The following ITSN1 variants were observed in gnomAD, a reference collection of about 807,000 sequenced individuals.
The protein encoded by ITSN1 is intersectin-1.
A neutral mutation model predicts 239.8 loss-of-function variants in ITSN1; 58 were observed. That is an observed-to-expected ratio of 0.24 (90% CI 0.20 to 0.30). The LOEUF is 0.30. Ranked by LOEUF, ITSN1 falls within the 10% of genes least tolerant of loss-of-function variation. ITSN1 has a pLI of 1.00. For synonymous variants in ITSN1, 780 were observed against 770.8 expected, an observed-to-expected ratio of 1.01 and a Z score of -0.20; for missense variants, 1,558 against 2,103.3, an observed-to-expected ratio of 0.74 and a Z score of 5.07.
At chr21:33,782,221 GA>G in intron 16 of ITSN1, 88 bp downstream of exon 16, 2 of 1,273,768 alleles carry the variant, frequency 1.6e-6, no homozygotes, top group Non-Finnish European at 2.2e-6. Context: ...ATCACAGGCA[GA>G]AAAATTTATT....
chr21:33,871,697 C>T (rs8129777), intron 33 of ITSN1, among the ~76,000 whole-genome samples: 56,347 of 149,972 alleles, frequency 0.38, 11,117 homozygotes, highest in East Asian at 0.51. Flanking sequence ...GCCGAGATCG[C>T]GCCACTGCAC....
chr21:33,800,958 C>T (rs112684606), intron 19 of ITSN1, among the ~76,000 whole-genome samples: 3 of 151,750 alleles, frequency 2.0e-5, no homozygotes, highest in African/African-American at 4.8e-5. Context: ...CTCTGCCTCC[C>T]GGGCTCAAGC....
chr21:33,755,427 G>A, intron 8 of ITSN1, 30 bp downstream of exon 8: 1 of 1,234,538 alleles, frequency 8.1e-7, no homozygotes, highest in Non-Finnish European at 1.2e-6. Flanking sequence ...AGTGAAATAT[G>A]ATCTTTGTTT....
At chr21:33,885,294 A>G in intron 37 of ITSN1, 145 bp from the exon 38 acceptor site, 1 of 987,438 alleles carries the variant, frequency 1.0e-6, no homozygotes, top group Non-Finnish European at 1.5e-6. Flanking sequence ...GGCAAATTCC[A>G]GGAGCAAGGA....
At chr21:33,722,241 A>G (rs1164940504) in intron 3 of ITSN1, among the ~76,000 whole-genome samples, 1 of 152,210 alleles carries the variant, frequency 6.6e-6, no homozygotes, top group African/African-American at 2.4e-5. Flanking sequence ...AACTTTTTTT[A>G]TAAAGTGAAA....
chr21:33,714,223 A>G (rs1290370555), intron 1 of ITSN1, among the ~76,000 whole-genome samples: 2 of 152,204 alleles, frequency 1.3e-5, no homozygotes, highest in Non-Finnish European at 2.9e-5. Flanking sequence ...TTTAGTTTTC[A>G]TTAGGTAGAT....
intron 1 of ITSN1, among the ~76,000 whole-genome samples, chr21:33,709,052 T>C (rs2092335122): frequency 6.6e-6 from 1 of 152,176 alleles, no homozygotes. Flanking sequence ...CTACTGTTGT[T>C]TTATAGTAAA....
At chr21:33,656,642 C>G (rs1309226298) in intron 1 of ITSN1, among the ~76,000 whole-genome samples, 1 of 151,914 alleles carries the variant, frequency 6.6e-6, no homozygotes, top group Non-Finnish European at 1.5e-5. Flanking sequence ...TTCAAACGGT[C>G]CCCCCACCTC....
intron 21 of ITSN1, among the ~76,000 whole-genome samples, chr21:33,812,995 T>C (rs1322135104): frequency 6.6e-6 from 1 of 152,014 alleles, no homozygotes; most frequent in Non-Finnish European, 1.5e-5. Flanking sequence ...TTTTTTTTTC[T>C]CATTTAACTA....
chr21:33,842,607 G>C (rs2074862930), intron 29 of ITSN1, among the ~76,000 whole-genome samples: 1 of 152,042 alleles, frequency 6.6e-6, no homozygotes, highest in African/African-American at 2.4e-5. Flanking sequence ...CAAACGGTGA[G>C]TTCAGGGTAC....
intron 1 of ITSN1, among the ~76,000 whole-genome samples, chr21:33,701,264 A>G (rs564033932): frequency 2.0e-5 from 3 of 152,160 alleles, no homozygotes; most frequent in African/African-American, 7.2e-5. Flanking sequence ...ACGCCCAGCT[A>G]GTTTTTGTGT....
chr21:33,644,422 C>A (rs2087735594), intron 1 of ITSN1, among the ~76,000 whole-genome samples: 1 of 151,824 alleles, frequency 6.6e-6, no homozygotes, highest in African/African-American at 2.4e-5. Flanking sequence ...ATAGTATGAT[C>A]TTTTTTTAAA....
intron 1 of ITSN1, among the ~76,000 whole-genome samples, chr21:33,678,663 G>A (rs150839409): frequency 1.2e-3 from 177 of 152,306 alleles, no homozygotes; most frequent in African/African-American, 4.1e-3. Context: ...TGGAAGATGA[G>A]GATTTATTCT....
intron 14 of ITSN1, among the ~76,000 whole-genome samples, chr21:33,781,136 G>T (rs996788059): frequency 1.3e-5 from 2 of 152,132 alleles, no homozygotes; most frequent in African/African-American, 2.4e-5. Context: ...TTTGATCCCG[G>T]TGCCATTGGA....
Position 33,882,676 on chromosome 21 carries a change from A to C in ITSN1, c.4554+221A>C, listed in dbSNP as rs992919258. On this transcript the variant is annotated intron_variant, in intron 35 of 39. Transcript: ENST00000381318. This position sits in a 1 kb window ranked among gnomAD's most constrained non-coding sequence, Gnocchi z 4.5. ...TATCGGTGGAACATATTGGCTGCCAAATGGCTGCTGTGGTCCCCTGGGATG... is the reference window on the plus strand; with the variant it reads ...TATCGGTGGAACATATTGGCTGCCACATGGCTGCTGTGGTCCCCTGGGATG... Among the ~76,000 whole-genome samples, 1 of 152,134 alleles carries C rather than the reference A, an allele frequency of 6.6e-6. No individual in the cohort carries two copies. Among genetic ancestry groups the C allele is most frequent in the African/African-American group, 2.4e-5 (1 of 41,420 alleles).
intron 1 of ITSN1, chr21:33,689,421 T>C (rs1370931597): frequency 6.6e-6 from 1 of 152,046 alleles, no homozygotes; most frequent in Non-Finnish European, 1.5e-5. Flanking sequence ...AGGCCTGTAA[T>C]CCCAGCACTT....
At chr21:33,823,701 CTT>C (rs2073818341) in intron 25 of ITSN1, 48 bp downstream of exon 25, 2 of 1,548,696 alleles carry the variant, frequency 1.3e-6, no homozygotes, top group African/African-American at 2.7e-5. Context: ...CGGTGATTCT[CTT>C]TGTGGGGAGT....
At chr21:33,683,615 A>C (rs774006995) in intron 1 of ITSN1, among the ~76,000 whole-genome samples, 3 of 152,188 alleles carry the variant, frequency 2.0e-5, no homozygotes, top group Admixed American at 6.5e-5. Context: ...TAGAGATCTG[A>C]GAACTGGTTT....
Position 33,823,434 on chromosome 21 carries a change from G to T in ITSN1, c.3017-53G>T, listed in dbSNP as rs979688371. ...AACTTGCTTTTGCAAAGCTGTCTGG[G>T]ATTTCTTTAAACAATCAAGCTCTCT... is the stretch of plus-strand genomic sequence containing the variant. On this transcript the variant is annotated intron_variant, in intron 24 of 39. Transcript: ENST00000381318. The T allele has an allele frequency of 1.3e-5, 20 of 1,525,182 alleles. No homozygotes were observed. In the South Asian group the frequency reaches 1.7e-4, roughly 13 times the overall value. The allele number at this position is 1,525,182 out of a possible 1,614,324, so 94.5% of individuals were successfully genotyped here. A position where few individuals can be genotyped will look rare whatever the true frequency, so the allele number is the denominator to read the frequency against.
Sources: allele counts gnomAD v4.1 joint callset (sites outside exome capture counted in the v4.1 genomes callset), GRCh38; gene constraint gnomAD v4.1.1; non-coding constraint Gnocchi (gnomAD v3.1); transcripts MANE v1.5; gene names NCBI Gene and HGNC (gene_info 2026-07-23, HGNC 2026-07-21).